Variants in SLCO3A1 observed in about 807,000 individuals in gnomAD.
The protein encoded by SLCO3A1 is solute carrier organic anion transporter family member 3A1.
SLCO3A1 carries 27 observed loss-of-function variants against 63.1 expected under a neutral mutation model. The observed-to-expected ratio is 0.43, with a 90% confidence interval of 0.32 to 0.59. The LOEUF (loss-of-function observed/expected upper bound fraction) is 0.59. SLCO3A1 is among the 20% of genes least tolerant of loss of function. SLCO3A1 has a pLI of 0.09. For missense variants in SLCO3A1, 773 were observed against 945.8 expected (o/e 0.82, Z 2.40); for synonymous variants, 473 against 409.9 (o/e 1.15, Z -1.86).
intron 1 of SLCO3A1, among the ~76,000 whole-genome samples, chr15:91,877,607 C>T (rs1006662447): frequency 6.6e-6 from 1 of 151,968 alleles, no homozygotes; most frequent in Non-Finnish European, 1.5e-5. Context: ...GGCTCCACAG[C>T]AGTGAAGAGG....
At chr15:92,065,813 T>C (rs910035444) in intron 2 of SLCO3A1, among the ~76,000 whole-genome samples, 1 of 152,204 alleles carries the variant, frequency 6.6e-6, no homozygotes, top group Admixed American at 6.5e-5. Context: ...CCATCTGATA[T>C]TAAAACATTT....
intron 2 of SLCO3A1, among the ~76,000 whole-genome samples, chr15:91,927,225 G>A (rs1899062096): frequency 2.0e-5 from 3 of 152,104 alleles, no homozygotes; most frequent in African/African-American, 7.2e-5. Flanking sequence ...GCCTAACCGT[G>A]GGTGTTTTGG....
At chr15:92,001,530 A>C (rs1463195160) in intron 2 of SLCO3A1, among the ~76,000 whole-genome samples, 2 of 152,140 alleles carry the variant, frequency 1.3e-5, no homozygotes, top group East Asian at 3.9e-4. Flanking sequence ...TGTCACTTGG[A>C]GTGCTTGAGC....
chr15:91,853,869 AAGCGGC>A lies in SLCO3A1; in HGVS notation c.-33_-28del, dbSNP rs916822148. ...GCCCCGACACCCGGGGCGAGCGGGA[AAGCGGC>A]AGCGGCGGCGGCGGCGGCGGCGGCG... On this transcript the variant is annotated 5_prime_UTR_variant, in exon 1 of 10. Coordinates refer to ENST00000318445, the MANE Select transcript of SLCO3A1 (RefSeq NM_013272.4). The A allele has an allele frequency of 5.6e-5, 70 of 1,258,598 alleles. No individual in the cohort carries two copies. Among genetic ancestry groups the A allele is most frequent in the East Asian group, 7.0e-5 (2 of 28,562 alleles). The allele number at this position is 1,258,598 out of a possible 1,614,324, so 78.0% of individuals were successfully genotyped here.
chr15:92,070,004 G>A (rs1320742283), intron 2 of SLCO3A1, among the ~76,000 whole-genome samples: 3 of 152,240 alleles, frequency 2.0e-5, no homozygotes, highest in East Asian at 1.9e-4. Context: ...GGTCGAGCAC[G>A]ATGAAGACTC....
At chr15:91,945,691 C>CT (rs1899782694) in intron 2 of SLCO3A1, among the ~76,000 whole-genome samples, 1 of 152,186 alleles carries the variant, frequency 6.6e-6, no homozygotes, top group African/African-American at 2.4e-5. Context: ...TTTCAGAGTG[C>CT]TTTTCTGAGT....
At chr15:92,037,691 G>A (rs1050044186) in intron 2 of SLCO3A1, among the ~76,000 whole-genome samples, 1 of 152,210 alleles carries the variant, frequency 6.6e-6, no homozygotes, top group Non-Finnish European at 1.5e-5. Context: ...CAAGCCAACT[G>A]TGTAATCCCC....
Position 92,165,778 on chromosome 15 carries a change from A to C in SLCO3A1, c.*2643A>C, listed in dbSNP as rs549148540. ...TTTGTGCTCTAAAGAAGCATTGTAC[A>C]TACAACACTAGATCCAGCCCCTCGA... On this transcript the variant is annotated 3_prime_UTR_variant, in exon 10 of 10. Transcript: ENST00000318445. 5.1e-6 allele frequency: 5 copies of C among 985,456 alleles called. No individual in the cohort carries two copies. Among genetic ancestry groups the C allele is most frequent in the East Asian group, 1.1e-4 (1 of 8,810 alleles). 61.0% of individuals were successfully genotyped at this position (985,456 alleles called of 1,614,324 possible). A position where few individuals can be genotyped will look rare whatever the true frequency, so the allele number is the denominator to read the frequency against.
At chr15:91,991,539 G>A (rs1025594364) in intron 2 of SLCO3A1, among the ~76,000 whole-genome samples, 8 of 152,162 alleles carry the variant, frequency 5.3e-5, no homozygotes, top group African/African-American at 1.4e-4. Flanking sequence ...GTAGACATAC[G>A]CAAGACATTT....
In SLCO3A1 at chr15:91,926,213, G is replaced by T. The variant is rs564427117; in HGVS notation, c.646+9755G>T. ...TATTTCAGAGGCATTGAAGTTACAGGACTTAGATGCCAAAAGGAGTATCCC... is the reference window on the plus strand; with the variant it reads ...TATTTCAGAGGCATTGAAGTTACAGTACTTAGATGCCAAAAGGAGTATCCC... On this transcript the variant is annotated intron_variant, in intron 2 of 9. Transcript: ENST00000318445. Among the ~76,000 whole-genome samples, 9 of 152,286 alleles carry T rather than the reference G, an allele frequency of 5.9e-5. No individual in the cohort carries two copies. The South Asian group carries it at 1.9e-3, about 32-fold the overall frequency.
chr15:91,946,799 G>A (rs1259345396), intron 2 of SLCO3A1, among the ~76,000 whole-genome samples: 1 of 152,188 alleles, frequency 6.6e-6, no homozygotes, highest in Non-Finnish European at 1.5e-5. Flanking sequence ...AGGGGTAAGA[G>A]CAAATGACTG....
chr15:92,079,593 C>T (rs2047318491), intron 2 of SLCO3A1, among the ~76,000 whole-genome samples: 1 of 152,236 alleles, frequency 6.6e-6, no homozygotes, highest in Admixed American at 6.5e-5. Context: ...GTAATAATCT[C>T]TTTAAAAGCC....
chr15:91,995,487 A>G (rs2046179832), intron 2 of SLCO3A1, among the ~76,000 whole-genome samples: 2 of 152,198 alleles, frequency 1.3e-5, no homozygotes, highest in African/African-American at 4.8e-5. Flanking sequence ...TCACACAAGA[A>G]TAGATTTTGT....
intron 2 of SLCO3A1, among the ~76,000 whole-genome samples, chr15:92,061,377 C>T (rs1198140186): frequency 6.6e-6 from 1 of 152,142 alleles, no homozygotes; most frequent in Non-Finnish European, 1.5e-5. Context: ...AGTTCCATCC[C>T]AGGGATCAAA....
rs1452183501 is a variant in SLCO3A1, at chr15:91,950,376, G to A, written c.646+33918G>A. Among the ~76,000 whole-genome samples, 1 of 152,156 alleles carries A rather than the reference G, an allele frequency of 6.6e-6. No homozygotes were observed. The highest frequency in any genetic ancestry group is 1.5e-5 in the Non-Finnish European group (1 of 68,008). On this transcript the variant is annotated intron_variant, in intron 2 of 9. Coordinates refer to ENST00000318445, the MANE Select transcript of SLCO3A1 (RefSeq NM_013272.4). This position sits in a 1 kb window ranked among gnomAD's most constrained non-coding sequence, Gnocchi z 4.4. Reference sequence around the variant, plus strand: ...AGGGGCCCTGGCTGGGCAGGCAGGGGGAGCCCAGCCCTGTCACTGGCCATT... The same window carrying A: ...AGGGGCCCTGGCTGGGCAGGCAGGGAGAGCCCAGCCCTGTCACTGGCCATT...
At chr15:92,058,831 TG>T (rs1476919270) in intron 2 of SLCO3A1, among the ~76,000 whole-genome samples, 1 of 152,180 alleles carries the variant, frequency 6.6e-6, no homozygotes, top group Non-Finnish European at 1.5e-5. Context: ...TGGTGGTTGC[TG>T]GCAATGCGAG....
chr15:92,019,062 C>T (rs7166185), intron 2 of SLCO3A1, among the ~76,000 whole-genome samples: 21,132 of 147,710 alleles, frequency 0.14, 1,845 homozygotes, highest in Admixed American at 0.3. Context: ...CAGGTGTGTG[C>T]GTCCTGGGAG....
At chr15:92,056,748 C>T (rs768008179) in intron 2 of SLCO3A1, among the ~76,000 whole-genome samples, 37 of 152,200 alleles carry the variant, frequency 2.4e-4, no homozygotes, top group Non-Finnish European at 4.7e-4. Context: ...TCACTGTCCC[C>T]TGCCTAAGAA....
At position 91,862,908 on chromosome 15, in the gene SLCO3A1, G is replaced by A. The variant is rs542461724; in HGVS notation, c.180+8820G>A. Among the ~76,000 whole-genome samples, 1 of 152,336 alleles carries A rather than the reference G, an allele frequency of 6.6e-6. No homozygotes were observed. Among genetic ancestry groups the A allele is most frequent in the South Asian group, 2.1e-4 (1 of 4,826 alleles). ...TTCACCCCCTTTGCAAGAGGCTTAT[G>A]TAAAATAGGCAGGCTGTTTCTAATT... is the stretch of plus-strand genomic sequence containing the variant. On this transcript the variant is annotated intron_variant, in intron 1 of 9. Coordinates refer to ENST00000318445, the MANE Select transcript of SLCO3A1 (RefSeq NM_013272.4). The surrounding 1 kb of genome is among the most constrained non-coding windows in gnomAD (Gnocchi z 4.0).
Sources: allele counts gnomAD v4.1 joint callset (sites outside exome capture counted in the v4.1 genomes callset), GRCh38; gene constraint gnomAD v4.1.1; non-coding constraint Gnocchi (gnomAD v3.1); transcripts MANE v1.5; gene names NCBI Gene and HGNC (gene_info 2026-07-23, HGNC 2026-07-21).